The following GADL1 variants were observed in gnomAD, a reference collection of about 807,000 sequenced individuals.
The protein encoded by GADL1 is acidic amino acid decarboxylase GADL1.
A neutral mutation model predicts 69.5 loss-of-function variants in GADL1; 71 were observed. That is an observed-to-expected ratio of 1.02 (90% CI 0.84 to 1.25). GADL1 has a LOEUF of 1.25. GADL1 is among the 50% of genes most tolerant of loss of function. GADL1 has a pLI of 0.00. For synonymous variants in GADL1, 254 were observed against 214.4 expected, an observed-to-expected ratio of 1.18 and a Z score of -1.62; for missense variants, 737 against 631.8, an observed-to-expected ratio of 1.17 and a Z score of -1.79.
intron 2 of GADL1, among the ~76,000 whole-genome samples, chr3:30,861,178 CT>C (rs1207519911): frequency 6.6e-6 from 1 of 151,898 alleles, no homozygotes; most frequent in South Asian, 2.1e-4. Context: ...TTTTTACATC[CT>C]TTTCCATCTT....
chr3:30,768,039 C>T (rs1039707993), intron 14 of GADL1, among the ~76,000 whole-genome samples: 83 of 13,704 alleles, frequency 6.1e-3, no homozygotes, highest in Admixed American at 0.018. Context: ...CCCCATACCC[C>T]CCCCCCCCTT....
At chr3:30,747,329 G>A (rs893500353) in intron 14 of GADL1, among the ~76,000 whole-genome samples, 3 of 152,156 alleles carry the variant, frequency 2.0e-5, no homozygotes, top group African/African-American at 7.2e-5. Flanking sequence ...ACGAGAAAAT[G>A]TCTCCTTGGC....
chr3:30,859,795 G>A (rs1018739175), intron 2 of GADL1, among the ~76,000 whole-genome samples: 1 of 151,850 alleles, frequency 6.6e-6, no homozygotes, highest in African/African-American at 2.4e-5. Context: ...AACAAGGTAG[G>A]CTAAGTTAGT....
chr3:30,858,857 T>A (rs1379689656), intron 2 of GADL1, among the ~76,000 whole-genome samples: 1 of 151,934 alleles, frequency 6.6e-6, no homozygotes, highest in Admixed American at 6.6e-5. Context: ...CCAACACTTA[T>A]GAATGGGCAT....
chr3:30,777,639 A>C (rs1387822630), intron 14 of GADL1, among the ~76,000 whole-genome samples: 3 of 152,182 alleles, frequency 2.0e-5, no homozygotes, highest in African/African-American at 7.2e-5. Flanking sequence ...ACACGGTATC[A>C]TCAGCCCCAA....
chr3:30,846,908 C>A (rs1219758987), intron 6 of GADL1, among the ~76,000 whole-genome samples: 1 of 152,158 alleles, frequency 6.6e-6, no homozygotes, highest in Admixed American at 6.5e-5. Context: ...CTGAGACACA[C>A]CCTACATAAC....
At chr3:30,741,709 T>A (rs1376401399) in intron 14 of GADL1, among the ~76,000 whole-genome samples, 1 of 152,126 alleles carries the variant, frequency 6.6e-6, no homozygotes, top group East Asian at 1.9e-4. Flanking sequence ...TAGGGAAAAA[T>A]TAATCTTCTC....
At chr3:30,852,182 A>AT (rs1473465786) in intron 4 of GADL1, among the ~76,000 whole-genome samples, 4 of 152,118 alleles carry the variant, frequency 2.6e-5, no homozygotes, top group Non-Finnish European at 5.9e-5. Flanking sequence ...TATCACCTAC[A>AT]TATGTGTCAA....
chr3:30,768,979 A>AG (rs1696352284), intron 14 of GADL1, among the ~76,000 whole-genome samples: 1 of 152,174 alleles, frequency 6.6e-6, no homozygotes, highest in Non-Finnish European at 1.5e-5. Context: ...CTTTCAGCCC[A>AG]GGGGTCTATT....
chr3:30,813,291 TTAAG>T (rs3043046), intron 11 of GADL1, among the ~76,000 whole-genome samples: 3,024 of 152,296 alleles, frequency 0.02, 93 homozygotes, highest in African/African-American at 0.066. Context: ...TGTGGCATGA[TTAAG>T]TAAATGCCTG....
rs149414131 is a variant in GADL1 at position 30,731,355 on chromosome 3, A to AT, written c.1393-2941dup. ...TTCCTGTTTACTTTTCAATACTTCC[A>AT]TTTTTTCTCCCAAAATGGTATTTTA... On this transcript the variant is annotated intron_variant, in intron 14 of 14. Coordinates refer to ENST00000282538, the MANE Select transcript of GADL1 (RefSeq NM_207359.3). 7.6e-3 allele frequency among the ~76,000 whole-genome samples: 1,152 copies of AT among 152,100 alleles called. 17 individuals are homozygous for AT. The highest frequency in any genetic ancestry group is 0.026 in the African/African-American group (1,085 of 41,512).
chr3:30,872,353 C>T (rs772131865), intron 1 of GADL1, among the ~76,000 whole-genome samples: 3 of 151,822 alleles, frequency 2.0e-5, no homozygotes, highest in East Asian at 1.9e-4. Context: ...ACCACTGTCA[C>T]CCCCCATAGT....
chr3:30,729,135 C>A lies in GADL1; in HGVS notation c.1393-720G>T, dbSNP rs189001851. 8.5e-5 allele frequency among the ~76,000 whole-genome samples: 13 copies of A among 152,156 alleles called. No homozygotes were observed. In the East Asian group the frequency reaches 2.3e-3, roughly 27 times the overall value. Reference sequence around the variant, plus strand: ...CTATAGCTGACATGAGAAGTACAGGCCCTGATAATCCAGATACACAGATTT... The same window carrying A: ...CTATAGCTGACATGAGAAGTACAGGACCTGATAATCCAGATACACAGATTT... On this transcript the variant is annotated intron_variant, in intron 14 of 14. Coordinates refer to ENST00000282538, the MANE Select transcript of GADL1 (RefSeq NM_207359.3).
intron 14 of GADL1, among the ~76,000 whole-genome samples, chr3:30,767,922 AAATG>A (rs1696322128): frequency 6.6e-6 from 1 of 152,088 alleles, no homozygotes; most frequent in Non-Finnish European, 1.5e-5. Flanking sequence ...AATATGAAAA[AAATG>A]AATACACTGA....
At chr3:30,769,428 G>A (rs1002423711) in intron 14 of GADL1, among the ~76,000 whole-genome samples, 5 of 151,848 alleles carry the variant, frequency 3.3e-5, no homozygotes, top group Admixed American at 3.3e-4. Flanking sequence ...TACGCAAAGA[G>A]GGAAGCTGAG....
chr3:30,752,523 C>T (rs1465997311), intron 14 of GADL1, among the ~76,000 whole-genome samples: 2 of 152,170 alleles, frequency 1.3e-5, no homozygotes, highest in African/African-American at 4.8e-5. Flanking sequence ...TGCTGTGGGA[C>T]ACTGTTTGCT....
chr3:30,888,145 T>A (rs1012676204), intron 1 of GADL1, among the ~76,000 whole-genome samples: 15 of 152,298 alleles, frequency 9.8e-5, no homozygotes, highest in Admixed American at 7.2e-4. Flanking sequence ...TTTAAAATAT[T>A]TTCCTTCTGC....
chr3:30,788,886 CT>C (rs771989077), intron 12 of GADL1, among the ~76,000 whole-genome samples: 2 of 152,152 alleles, frequency 1.3e-5, no homozygotes, highest in Non-Finnish European at 2.9e-5. Flanking sequence ...GGCTTCATTT[CT>C]AATTCTATTT....
At chr3:30,798,594 T>C (rs900690495) in intron 12 of GADL1, 2 of 152,110 alleles carry the variant, frequency 1.3e-5, no homozygotes, top group Non-Finnish European at 2.9e-5. Flanking sequence ...CCAAACTATG[T>C]CATTCTGCCC....
Sources: gnomAD v4.1 joint callset for allele counts (sites outside exome capture counted in the v4.1 genomes callset) on GRCh38, gnomAD v4.1.1 for gene constraint, MANE v1.5 for transcripts, NCBI Gene and HGNC (gene_info 2026-07-23, HGNC 2026-07-21) for gene names.